BCAS3: variants seen among roughly 807,000 people sequenced by gnomAD.
The protein encoded by BCAS3 is BCAS3 microtubule associated cell migration factor, also known as BCAS4/BCAS3 fusion.
Under a neutral mutation model 116.1 loss-of-function variants are expected in BCAS3, and 53 were observed. The ratio of observed to expected loss-of-function variants is 0.46; its 90% confidence interval spans 0.37 to 0.57. BCAS3 has a LOEUF of 0.57. Among genes scored for constraint, BCAS3 ranks in the 20% least tolerant of loss-of-function variants. The probability of loss-of-function intolerance (pLI) is 0.00; values close to 1 mark genes in which losing one functional copy is unlikely to be tolerated. For missense variants in BCAS3, 917 were observed against 1,165.4 expected (o/e 0.79, Z 3.10); for synonymous variants, 391 against 408.2 (o/e 0.96, Z 0.51).
chr17:60,849,330 C>T (rs2052843351), intron 7 of BCAS3, among the ~76,000 whole-genome samples: 1 of 149,142 alleles, frequency 6.7e-6, no homozygotes, highest in African/African-American at 2.5e-5. Flanking sequence ...TATTCATTTC[C>T]TTTTAATTCT....
Position 61,077,571 on chromosome 17 carries a change from C to T in BCAS3, c.2131-762C>T, listed in dbSNP as rs1411190197. On this transcript the variant is annotated intron_variant, in intron 20 of 23. Coordinates refer to ENST00000407086, the MANE Select transcript of BCAS3 (RefSeq NM_017679.5). This position sits in a 1 kb window ranked among gnomAD's most constrained non-coding sequence, Gnocchi z 4.3. The stretch of plus-strand genomic sequence containing the variant: ...TAAAATATTGGCAACATTCCCTATC[C>T]CCCCCATTGAGCGTGAAATTCATAA... Among the ~76,000 whole-genome samples the T allele has an allele frequency of 1.3e-5, 2 of 151,960 alleles. No individual in the cohort carries two copies. Among genetic ancestry groups the T allele is most frequent in the Admixed American group, 1.3e-4 (2 of 15,230 alleles).
At position 61,146,439 on chromosome 17, in the gene BCAS3, G is replaced by A. The variant is rs565755636; in HGVS notation, c.2425+61875G>A. On this transcript the variant is annotated intron_variant, in intron 22 of 23. Transcript: ENST00000407086. ...ACTATCCAGCCAAGGTCGCTTACTT[G>A]TGTACCAGTTTGGGTCACTCTGAAA... 2.6e-5 allele frequency among the ~76,000 whole-genome samples: 4 copies of A among 152,122 alleles called. No homozygotes were observed. In the South Asian group the frequency reaches 6.2e-4, roughly 24 times the overall value.
chr17:60,780,561 C>G (rs184279363), intron 6 of BCAS3, among the ~76,000 whole-genome samples: 71 of 152,164 alleles, frequency 4.7e-4, no homozygotes, highest in Non-Finnish European at 1.6e-4. Flanking sequence ...CCTTAGCCCC[C>G]CAAAGTGCTG....
At chr17:61,176,565 T>TTATGTATG (rs1223627912) in intron 22 of BCAS3, among the ~76,000 whole-genome samples, 6 of 145,272 alleles carry the variant, frequency 4.1e-5, no homozygotes, top group African/African-American at 1.5e-4. Context: ...ATTTATTTAT[T>TTATGTATG]TATGTATTTA....
intron 5 of BCAS3, among the ~76,000 whole-genome samples, chr17:60,730,787 T>C (rs1318546669): frequency 2.0e-5 from 3 of 152,224 alleles, no homozygotes; most frequent in East Asian, 1.9e-4. Flanking sequence ...AGTGTATTTA[T>C]AGGAGATTCT....
At chr17:60,744,150 A>C (rs1167318126) in intron 5 of BCAS3, among the ~76,000 whole-genome samples, 1 of 152,202 alleles carries the variant, frequency 6.6e-6, no homozygotes, top group East Asian at 1.9e-4. Flanking sequence ...CACAGTTGCC[A>C]GGAAGTTGGA....
At chr17:61,267,986 T>C (rs1445956402) in intron 22 of BCAS3, among the ~76,000 whole-genome samples, 1 of 152,118 alleles carries the variant, frequency 6.6e-6, no homozygotes, top group East Asian at 1.9e-4. Flanking sequence ...TCTTGAATAT[T>C]TAATGTAATG....
intron 9 of BCAS3, among the ~76,000 whole-genome samples, chr17:60,876,003 T>C (rs2055570895): frequency 6.6e-6 from 1 of 152,098 alleles, no homozygotes; most frequent in South Asian, 2.1e-4. Flanking sequence ...ATATTTATTA[T>C]CTACGTCTGA....
At chr17:61,168,227 C>T (rs1049065242) in intron 22 of BCAS3, among the ~76,000 whole-genome samples, 1 of 152,080 alleles carries the variant, frequency 6.6e-6, no homozygotes, top group Admixed American at 6.6e-5. Flanking sequence ...TCCACAATTT[C>T]CCCTCTGTTA....
At chr17:61,163,484 T>C (rs1733445130) in intron 22 of BCAS3, among the ~76,000 whole-genome samples, 1 of 151,942 alleles carries the variant, frequency 6.6e-6, no homozygotes, top group Non-Finnish European at 1.5e-5. Flanking sequence ...TCAATTCTTC[T>C]CAACTATTAG....
At chr17:61,260,420 G>A (rs1602250139) in intron 22 of BCAS3, among the ~76,000 whole-genome samples, 1 of 152,228 alleles carries the variant, frequency 6.6e-6, no homozygotes, top group African/African-American at 2.4e-5. Flanking sequence ...GAAAATGAGA[G>A]AGTTGGCATC....
intron 4 of BCAS3, among the ~76,000 whole-genome samples, chr17:60,702,162 C>T (rs2036509019): frequency 6.6e-6 from 1 of 152,106 alleles, no homozygotes; most frequent in Non-Finnish European, 1.5e-5. Context: ...GAATTGAATG[C>T]AATTGAATTT....
intron 6 of BCAS3, among the ~76,000 whole-genome samples, chr17:60,775,187 G>A (rs978351159): frequency 6.6e-5 from 10 of 152,088 alleles, no homozygotes; most frequent in African/African-American, 2.4e-4. Flanking sequence ...GAAATTTCTG[G>A]AGGTATCATA....
At chr17:61,137,843 G>C (rs2076724587) in intron 22 of BCAS3, among the ~76,000 whole-genome samples, 1 of 152,196 alleles carries the variant, frequency 6.6e-6, no homozygotes. Flanking sequence ...ACGGTGATGG[G>C]TTTTTGTTTT....
At chr17:61,177,998 A>C (rs2079246983) in intron 22 of BCAS3, among the ~76,000 whole-genome samples, 1 of 152,132 alleles carries the variant, frequency 6.6e-6, no homozygotes. Context: ...CTACATCTCT[A>C]CATTCTATCA....
intron 22 of BCAS3, among the ~76,000 whole-genome samples, chr17:61,312,441 G>A (rs1192897311): frequency 1.3e-5 from 2 of 152,212 alleles, no homozygotes; most frequent in Non-Finnish European, 2.9e-5. Flanking sequence ...CATGCTGTTG[G>A]GGTAATTGGA....
intron 23 of BCAS3, among the ~76,000 whole-genome samples, chr17:61,382,368 C>A (rs2059645953): frequency 6.6e-6 from 1 of 151,268 alleles, no homozygotes; most frequent in South Asian, 2.1e-4. Flanking sequence ...TCAAGGGATT[C>A]TCCTGCCTCA....
chr17:61,368,535 C>A lies in BCAS3; in HGVS notation c.2593+41C>A. 6.5e-7 allele frequency: 1 copy of A among 1,549,202 alleles called. No homozygotes were observed. ...GACTTCTAGCCTGATTTGGTCAGGA[C>A]CAGCACCTGTTGGTGCAGAGCTTCT... On this transcript the variant is annotated intron_variant, in intron 23 of 23. Transcript: ENST00000407086. This position sits in a 1 kb window ranked among gnomAD's most constrained non-coding sequence, Gnocchi z 6.0.
intron 13 of BCAS3, among the ~76,000 whole-genome samples, chr17:60,935,872 T>C (rs1225805888): frequency 6.6e-6 from 1 of 152,008 alleles, no homozygotes; most frequent in Admixed American, 6.6e-5. Context: ...TTTTTTTTTT[T>C]ATACTTTAAG....
Sources: allele counts gnomAD v4.1 joint callset (sites outside exome capture counted in the v4.1 genomes callset), GRCh38; gene constraint gnomAD v4.1.1; non-coding constraint Gnocchi (gnomAD v3.1); transcripts MANE v1.5; gene names NCBI Gene and HGNC (gene_info 2026-07-23, HGNC 2026-07-21).